The following ADK variants were observed in gnomAD, a reference collection of about 807,000 sequenced individuals.
ADK encodes adenosine kinase, also known as N6,N6-dimethyladenosine kinase.
A neutral mutation model predicts 44.7 loss-of-function variants in ADK; 24 were observed. The observed-to-expected ratio is 0.54, with a 90% CI of 0.39 to 0.76. The LOEUF is 0.76. Among genes scored for constraint, ADK ranks in the 30% least tolerant of loss-of-function variants. The pLI is 0.00. For missense variants in ADK, 321 were observed against 425.1 expected, an observed-to-expected ratio of 0.76 and a Z score of 2.15; for synonymous variants, 128 against 142.6, an observed-to-expected ratio of 0.90 and a Z score of 0.73.
At chr10:74,449,048 G>T (rs920056460) in intron 6 of ADK, among the ~76,000 whole-genome samples, 1 of 152,102 alleles carries the variant, frequency 6.6e-6, no homozygotes, top group Non-Finnish European at 1.5e-5. Context: ...TTGGTTGATC[G>T]ATTTTGAGGA....
chr10:74,441,446 T>C lies in ADK; in HGVS notation c.555+42867T>C, dbSNP rs1022980754. On this transcript the variant is annotated intron_variant, in intron 6 of 10. Coordinates refer to ENST00000539909, the MANE Select transcript of ADK (RefSeq NM_006721.4). Reference sequence around the variant, plus strand: ...GTTTACACAAAAATGTGTATATGAATGTTTATGGCAGCATTAATTATAATA... The same window carrying C: ...GTTTACACAAAAATGTGTATATGAACGTTTATGGCAGCATTAATTATAATA... 9.2e-5 allele frequency among the ~76,000 whole-genome samples: 14 copies of C among 152,226 alleles called. No homozygotes were observed. In the South Asian group the frequency reaches 1.2e-3, roughly 13 times the overall value.
At chr10:74,469,345 A>G (rs1846475228) in intron 6 of ADK, among the ~76,000 whole-genome samples, 1 of 152,272 alleles carries the variant, frequency 6.6e-6, no homozygotes, top group South Asian at 2.1e-4. Flanking sequence ...TCTCAAAAGA[A>G]AAATATTTTT....
intron 3 of ADK, among the ~76,000 whole-genome samples, chr10:74,282,423 A>G (rs1174441187): frequency 2.0e-5 from 3 of 152,228 alleles, no homozygotes; most frequent in African/African-American, 7.2e-5. Context: ...TTAAAATTGC[A>G]TGGTGATACC....
chr10:74,210,801 G>A (rs1591860035), intron 2 of ADK, among the ~76,000 whole-genome samples: 9 of 152,098 alleles, frequency 5.9e-5, no homozygotes, highest in Admixed American at 5.9e-4. Context: ...TTAGTGTCAA[G>A]TGAGACTGCA....
At chr10:74,428,893 T>C (rs1844888302) in intron 6 of ADK, among the ~76,000 whole-genome samples, 1 of 152,232 alleles carries the variant, frequency 6.6e-6, no homozygotes, top group South Asian at 2.1e-4. Flanking sequence ...TGTGTTTATC[T>C]GTCCCTGAGA....
At chr10:74,469,424 A>G (rs1440755950) in intron 6 of ADK, among the ~76,000 whole-genome samples, 1 of 152,136 alleles carries the variant, frequency 6.6e-6, no homozygotes, top group Non-Finnish European at 1.5e-5. Flanking sequence ...GTAGTAGTGC[A>G]TAGCATAGCT....
intron 7 of ADK, among the ~76,000 whole-genome samples, chr10:74,569,834 T>A (rs1405143985): frequency 1.3e-5 from 2 of 152,196 alleles, no homozygotes; most frequent in Non-Finnish European, 2.9e-5. Flanking sequence ...TGTCTTAGAT[T>A]TGAAGTCCTT....
At chr10:74,196,323 C>T (rs188034866) in intron 1 of ADK, among the ~76,000 whole-genome samples, 24 of 151,920 alleles carry the variant, frequency 1.6e-4, no homozygotes, top group East Asian at 5.9e-4. Flanking sequence ...GGGCAGATCA[C>T]GAGGTCAAGA....
intron 7 of ADK, among the ~76,000 whole-genome samples, chr10:74,583,427 A>G (rs1851434093): frequency 6.6e-6 from 1 of 152,200 alleles, no homozygotes; most frequent in African/African-American, 2.4e-5. Context: ...GCAAAGGATA[A>G]TATCTCCCGG....
At chr10:74,639,606 G>C (rs1013230655) in intron 9 of ADK, among the ~76,000 whole-genome samples, 2 of 152,184 alleles carry the variant, frequency 1.3e-5, no homozygotes, top group African/African-American at 2.4e-5. Flanking sequence ...GGAGGCCGAG[G>C]GGGGCAGATC....
intron 6 of ADK, among the ~76,000 whole-genome samples, chr10:74,451,455 A>G (rs1168197881): frequency 6.6e-6 from 1 of 152,150 alleles, no homozygotes; most frequent in Non-Finnish European, 1.5e-5. Context: ...GGTAGCCCGT[A>G]TTAAATGATT....
intron 2 of ADK, among the ~76,000 whole-genome samples, chr10:74,211,833 A>G (rs1228984735): frequency 6.6e-6 from 1 of 152,078 alleles, no homozygotes; most frequent in Non-Finnish European, 1.5e-5. Flanking sequence ...AAAATTTTAC[A>G]TTTCTTTTTA....
In ADK at chr10:74,181,865, G is replaced by A. The variant is rs1842569721; in HGVS notation, c.66-18899G>A. 3.3e-5 allele frequency among the ~76,000 whole-genome samples: 5 copies of A among 152,166 alleles called. No individual in the cohort carries two copies. The South Asian group carries it at 1.0e-3, about 32-fold the overall frequency. On this transcript the variant is annotated intron_variant, in intron 1 of 10. Coordinates refer to ENST00000539909, the MANE Select transcript of ADK (RefSeq NM_006721.4). ...GGGAAGACTAGGAAATGGAGTTGGG[G>A]AATATTTGTTGTAGAGCTAATGAGC...
At chr10:74,421,346 AGG>A (rs2133028415) in intron 6 of ADK, among the ~76,000 whole-genome samples, 1 of 152,282 alleles carries the variant, frequency 6.6e-6, no homozygotes, top group South Asian at 2.1e-4. Flanking sequence ...GGTGGAAGCT[AGG>A]TTTCTCACTG....
At position 74,224,578 on chromosome 10, in the gene ADK, A is replaced by C; in HGVS notation, c.181A>C (p.Lys61Gln). The change falls in exon 3 of 11, where the codon AAA becomes CAA. Residue 61 changes from lysine to glutamine, a missense_variant. Lys to Gln is a moderately conservative substitution (Grantham distance 53). Transcript: ENST00000539909. ...AAATGACCAAATCTTGGCTGAAGAC[A>C]AACACAAGGAACTGTAAGTGCATTA... ...KPNDQILAED[K>Q]HKELFDELVK... 6.2e-7 allele frequency: 1 copy of C among 1,613,760 alleles called. No individual in the cohort carries two copies. The highest frequency in any genetic ancestry group is 1.3e-5 in the African/African-American group (1 of 75,052).
chr10:74,300,371 C>T (rs989033663), intron 3 of ADK, among the ~76,000 whole-genome samples: 7 of 135,266 alleles, frequency 5.2e-5, no homozygotes, highest in East Asian at 2.2e-4. Flanking sequence ...TTCTTTCTTT[C>T]TTCTTTGTCT....
chr10:74,341,299 T>A (rs1182895880), intron 4 of ADK, among the ~76,000 whole-genome samples: 1 of 151,846 alleles, frequency 6.6e-6, no homozygotes, highest in Non-Finnish European at 1.5e-5. Flanking sequence ...GGCAGGTGGA[T>A]TATGAGGTCA....
chr10:74,162,184 C>G (rs1175283679), intron 1 of ADK, among the ~76,000 whole-genome samples: 1 of 151,982 alleles, frequency 6.6e-6, no homozygotes, highest in African/African-American at 2.4e-5. Context: ...CCACACCTGG[C>G]TAAATTTTGT....
chr10:74,472,520 C>T (rs1199483199), intron 6 of ADK, among the ~76,000 whole-genome samples: 1 of 152,142 alleles, frequency 6.6e-6, no homozygotes, highest in African/African-American at 2.4e-5. Flanking sequence ...CCAGGTCTTA[C>T]ATTTGTCTCA....
Sources: allele counts gnomAD v4.1 joint callset (sites outside exome capture counted in the v4.1 genomes callset), GRCh38; gene constraint gnomAD v4.1.1; transcripts MANE v1.5; gene names NCBI Gene and HGNC (gene_info 2026-07-23, HGNC 2026-07-21).